CATSPERE: variants seen among roughly 807,000 people sequenced by gnomAD.
CATSPERE encodes catsper channel auxiliary subunit epsilon.
CATSPERE carries 93 observed loss-of-function variants against 114.1 expected under a neutral mutation model. That is an observed-to-expected ratio of 0.81 (90% CI 0.69 to 0.97). The LOEUF (loss-of-function observed/expected upper bound fraction) is 0.97. Ranked by LOEUF, CATSPERE falls within the 50% of genes least tolerant of loss-of-function variation. The pLI, the probability that CATSPERE is intolerant of heterozygous loss-of-function variation, is 0.00. For synonymous variants in CATSPERE, 341 were observed against 384.1 expected, an observed-to-expected ratio of 0.89 and a Z score of 1.31; for missense variants, 1,058 against 1,131.6, an observed-to-expected ratio of 0.93 and a Z score of 0.93.
chr1:244,482,039 TAAG>T (rs1670350749), intron 5 of CATSPERE, among the ~76,000 whole-genome samples: 1 of 152,048 alleles, frequency 6.6e-6, no homozygotes, highest in South Asian at 2.1e-4. Context: ...TCCATGTAAA[TAAG>T]AACAGAAGGA....
At chr1:244,587,000 A>T (rs914051312) in intron 13 of CATSPERE, among the ~76,000 whole-genome samples, 3 of 152,172 alleles carry the variant, frequency 2.0e-5, no homozygotes, top group Non-Finnish European at 4.4e-5. Context: ...TAATATCTGT[A>T]TAGTAATTAA....
At chr1:244,467,201 A>C (rs1329941929) in intron 2 of CATSPERE, among the ~76,000 whole-genome samples, 1 of 152,134 alleles carries the variant, frequency 6.6e-6, no homozygotes, top group Non-Finnish European at 1.5e-5. Context: ...TAAATAAATA[A>C]ATATTTATAA....
chr1:244,632,134 G>A (rs1331321800), intron 20 of CATSPERE, among the ~76,000 whole-genome samples: 4 of 152,004 alleles, frequency 2.6e-5, no homozygotes, highest in Admixed American at 6.6e-5. Context: ...GGTGGCTCAC[G>A]CCTGTAATCC....
chr1:244,451,875 C>T (rs1167995198), upstream of CATSPERE: 21 of 1,441,730 alleles, frequency 1.5e-5, no homozygotes, highest in South Asian at 2.7e-5. The surrounding 1 kb of genome is among the most constrained non-coding windows in gnomAD (Gnocchi z 6.6). Context: ...AGTGAGCGAA[C>T]TGAACTGCTC....
intron 2 of CATSPERE, among the ~76,000 whole-genome samples, chr1:244,467,479 A>G (rs560550483): frequency 6.6e-6 from 1 of 152,228 alleles, no homozygotes; most frequent in South Asian, 2.1e-4. Context: ...GGTGGTAAGA[A>G]TGTAAAGCAG....
chr1:244,494,897 A>T (rs1274315073), intron 6 of CATSPERE, among the ~76,000 whole-genome samples: 2 of 152,198 alleles, frequency 1.3e-5, no homozygotes, highest in Non-Finnish European at 2.9e-5. Context: ...TTACGGAATT[A>T]TTTTTTGAGG....
chr1:244,516,489 A>G (rs1037167080), intron 7 of CATSPERE, among the ~76,000 whole-genome samples: 3 of 151,840 alleles, frequency 2.0e-5, no homozygotes, highest in Admixed American at 6.6e-5. Flanking sequence ...CTGGGACTAC[A>G]GGTGCGCACC....
rs1281684535 is a variant in CATSPERE, at chr1:244,504,786, T to C, written c.429+5707T>C. On this transcript the variant is annotated intron_variant, in intron 7 of 21. Transcript: ENST00000366534. This position sits in a 1 kb window ranked among gnomAD's most constrained non-coding sequence, Gnocchi z 4.1. ...CGCATACAATCATATGATGTGTCGC[T>C]GCTGATGTTTGCGTTCATCACCTGG... is the stretch of plus-strand genomic sequence containing the variant. Among the ~76,000 whole-genome samples, 2 of 152,258 alleles carry C rather than the reference T, an allele frequency of 1.3e-5. No homozygotes were observed. Among genetic ancestry groups the C allele is most frequent in the African/African-American group, 4.8e-5 (2 of 41,472 alleles).
In CATSPERE at chr1:244,477,921, A is replaced by G. The variant is rs1369613485; in HGVS notation, c.204A>G (p.Glu68=). The part of the protein sequence containing the change: ...FVLNKSSPTT[E]LRCSSPGVHA... ...TAAACACTAGCTCACCCACGACAGA[A>G]TTGCGTTGTTCCTCACCTGGTGTTC... is the stretch of plus-strand genomic sequence containing the variant. The change falls in exon 4 of 22, where the codon GAA becomes GAG. Residue 68 remains glutamate, a synonymous_variant. Transcript: ENST00000366534. 6.2e-7 allele frequency: 1 copy of G among 1,608,356 alleles called. No homozygotes were observed. Among genetic ancestry groups the G allele is most frequent in the Non-Finnish European group, 8.5e-7 (1 of 1,175,662 alleles).
chr1:244,553,634 C>CATATAT (rs1661114206), intron 9 of CATSPERE, among the ~76,000 whole-genome samples: 1 of 137,062 alleles, frequency 7.3e-6, no homozygotes, highest in African/African-American at 2.7e-5. Context: ...CACACACACA[C>CATATAT]ACACACACAC....
chr1:244,602,665 A>G (rs925427140), intron 17 of CATSPERE, among the ~76,000 whole-genome samples: 3 of 152,212 alleles, frequency 2.0e-5, no homozygotes, highest in Admixed American at 1.3e-4. Flanking sequence ...TGATGAGTCT[A>G]TCACGCTCCA....
chr1:244,524,120 G>A (rs1678102642), intron 8 of CATSPERE, among the ~76,000 whole-genome samples: 1 of 150,858 alleles, frequency 6.6e-6, no homozygotes, highest in African/African-American at 2.5e-5. Context: ...AAACAGCATG[G>A]TATTGGTACC....
chr1:244,550,529 T>C (rs1158354276), intron 8 of CATSPERE, among the ~76,000 whole-genome samples: 2 of 152,208 alleles, frequency 1.3e-5, no homozygotes, highest in African/African-American at 2.4e-5. Context: ...CAGTCATAAA[T>C]GTCTAGTTAC....
intron 19 of CATSPERE, among the ~76,000 whole-genome samples, chr1:244,614,792 T>G (rs1400267105): frequency 1.3e-5 from 2 of 152,136 alleles, no homozygotes; most frequent in Non-Finnish European, 2.9e-5. Context: ...CCTCCTCATC[T>G]TTTTTCTTAT....
intron 18 of CATSPERE, among the ~76,000 whole-genome samples, chr1:244,609,762 C>G (rs1670468948): frequency 6.6e-6 from 1 of 152,184 alleles, no homozygotes; most frequent in South Asian, 2.1e-4. Flanking sequence ...TTTAGAAATT[C>G]TCTCGGCCAA....
upstream of CATSPERE, chr1:244,451,861 G>A (rs1321210063): frequency 2.7e-6 from 4 of 1,505,294 alleles, no homozygotes; most frequent in Admixed American, 2.1e-5. This position sits in a 1 kb window ranked among gnomAD's most constrained non-coding sequence, Gnocchi z 6.6. Flanking sequence ...GGCGGCCGGC[G>A]AGGAGTGAGC....
chr1:244,626,753 C>T (rs1456601527), intron 20 of CATSPERE, among the ~76,000 whole-genome samples: 5 of 152,206 alleles, frequency 3.3e-5, no homozygotes, highest in Non-Finnish European at 7.3e-5. Context: ...TCACCTCCCT[C>T]AGCCTTCCTA....
At chr1:244,461,890 T>C (rs1385017688) in intron 1 of CATSPERE, among the ~76,000 whole-genome samples, 1 of 152,136 alleles carries the variant, frequency 6.6e-6, no homozygotes, top group African/African-American at 2.4e-5. Flanking sequence ...CATAGCTCCC[T>C]GAAGCCTGAA....
intron 9 of CATSPERE, among the ~76,000 whole-genome samples, chr1:244,556,477 A>AT (rs892182615): frequency 1.8e-4 from 27 of 151,582 alleles, no homozygotes; most frequent in Admixed American, 1.4e-3. Context: ...GTCAGATTGG[A>AT]TTTTTTTTTA....
Sources: gnomAD v4.1 joint callset for allele counts (sites outside exome capture counted in the v4.1 genomes callset) on GRCh38, gnomAD v4.1.1 for gene constraint, Gnocchi (gnomAD v3.1) non-coding constraint, MANE v1.5 for transcripts, NCBI Gene and HGNC (gene_info 2026-07-23, HGNC 2026-07-21) for gene names.